CADPS: variants seen among roughly 807,000 people sequenced by gnomAD.
The protein encoded by CADPS is calcium-dependent secretion activator 1.
In CADPS, 57 loss-of-function variants were observed where a neutral mutation model predicts 167.3. The ratio of observed to expected loss-of-function variants is 0.34; its 90% CI spans 0.28 to 0.42. The LOEUF is 0.42. CADPS is among the 20% of genes least tolerant of loss of function. CADPS has a pLI of 1.00. For missense variants in CADPS, 1,414 were observed against 1,738.1 expected (o/e 0.81, Z 3.32); for synonymous variants, 676 against 635.3 (o/e 1.06, Z -0.96).
At chr3:62,794,038 A>G (rs1400763733) in intron 1 of CADPS, among the ~76,000 whole-genome samples, 1 of 152,174 alleles carries the variant, frequency 6.6e-6, no homozygotes, top group Non-Finnish European at 1.5e-5. Context: ...TATACACTCA[A>G]AATCTGCCAA....
chr3:62,846,876 C>T (rs1368625316), intron 1 of CADPS, among the ~76,000 whole-genome samples: 1 of 152,154 alleles, frequency 6.6e-6, no homozygotes, highest in Non-Finnish European at 1.5e-5. Flanking sequence ...CCATGTTGGT[C>T]AGGCTATTCT....
intron 6 of CADPS, among the ~76,000 whole-genome samples, chr3:62,631,005 T>G (rs2065165028): frequency 6.6e-6 from 1 of 151,092 alleles, no homozygotes; most frequent in Admixed American, 6.6e-5. Context: ...GGTCAAATAT[T>G]TTTTTTTTAG....
At chr3:62,411,232 G>A (rs2048898683) in intron 28 of CADPS, among the ~76,000 whole-genome samples, 1 of 152,152 alleles carries the variant, frequency 6.6e-6, no homozygotes, top group African/African-American at 2.4e-5. Context: ...ACTGAATGCT[G>A]GAGGATTTTT....
chr3:62,477,290 T>A (rs2061441366), intron 23 of CADPS, among the ~76,000 whole-genome samples: 1 of 149,318 alleles, frequency 6.7e-6, no homozygotes, highest in South Asian at 2.1e-4. Context: ...AGATTTGGAG[T>A]AGCCTGTGCT....
intron 1 of CADPS, among the ~76,000 whole-genome samples, chr3:62,770,027 G>A (rs2367220): frequency 0.17 from 26,202 of 152,202 alleles, 2,359 homozygotes; most frequent in South Asian, 0.23. Flanking sequence ...TCTGCATGAC[G>A]TACCCTGACT....
chr3:62,813,545 T>C (rs553055859), intron 1 of CADPS, among the ~76,000 whole-genome samples: 1 of 152,198 alleles, frequency 6.6e-6, no homozygotes, highest in South Asian at 2.1e-4. Context: ...ATTCTGAACA[T>C]CAGCCTTGGG....
chr3:62,405,454 A>AT (rs1267636946), intron 28 of CADPS, among the ~76,000 whole-genome samples: 2 of 139,910 alleles, frequency 1.4e-5, no homozygotes, highest in South Asian at 2.5e-4. Context: ...TCAGGAAAAA[A>AT]AAAAAAAAAA....
intron 1 of CADPS, among the ~76,000 whole-genome samples, chr3:62,784,382 T>C (rs1397323680): frequency 6.6e-6 from 1 of 152,172 alleles, no homozygotes; most frequent in Non-Finnish European, 1.5e-5. Context: ...ACTAAATAAA[T>C]AATTCATGAG....
intron 28 of CADPS, among the ~76,000 whole-genome samples, chr3:62,416,254 T>C (rs2050041972): frequency 6.6e-6 from 1 of 152,178 alleles, no homozygotes; most frequent in Admixed American, 6.5e-5. Flanking sequence ...AACATAGTAA[T>C]CCTACCTGCT....
intron 3 of CADPS, among the ~76,000 whole-genome samples, chr3:62,693,883 T>A (rs2079720247): frequency 6.6e-6 from 1 of 152,086 alleles, no homozygotes; most frequent in Non-Finnish European, 1.5e-5. Context: ...CATGATCCTA[T>A]CTGCTAAGTT....
intron 28 of CADPS, among the ~76,000 whole-genome samples, chr3:62,431,721 C>T (rs937058388): frequency 6.6e-6 from 1 of 151,772 alleles, no homozygotes; most frequent in African/African-American, 2.4e-5. Flanking sequence ...TTGCACAAAC[C>T]AGCTGTAAAG....
Position 62,399,637 on chromosome 3 carries a change from G to A in CADPS, c.3883-52C>T, listed in dbSNP as rs751351588. On this transcript the variant is annotated intron_variant, in intron 29 of 29. Transcript: ENST00000383710. The surrounding 1 kb of genome is among the most constrained non-coding windows in gnomAD (Gnocchi z 5.6). ...AGAGAGATCTCATCTCCATGATGGG[G>A]AGGGAGAAGGTAAAAGCAGGTGTGG... is the stretch of plus-strand genomic sequence containing the variant. The A allele has an allele frequency of 2.5e-5, 37 of 1,498,976 alleles. No homozygotes were observed. The highest frequency in any genetic ancestry group is 1.7e-4 in the Middle Eastern group (1 of 5,784). The allele number at this position is 1,498,976 out of a possible 1,614,324, so 92.9% of individuals were successfully genotyped here.
chr3:62,633,169 A>G (rs1323445191), intron 6 of CADPS, among the ~76,000 whole-genome samples: 2 of 152,186 alleles, frequency 1.3e-5, no homozygotes, highest in African/African-American at 4.8e-5. Flanking sequence ...AAAAGAGCGG[A>G]CAATGGGAAT....
chr3:62,466,750 A>G (rs1219771214), intron 24 of CADPS: 3 of 280,744 alleles, frequency 1.1e-5, no homozygotes, highest in Non-Finnish European at 2.1e-5. Context: ...GGATACTGTA[A>G]TAATTTAACA....
At chr3:62,858,183 G>C (rs537095696) in intron 1 of CADPS, among the ~76,000 whole-genome samples, 2 of 152,278 alleles carry the variant, frequency 1.3e-5, no homozygotes, top group South Asian at 4.1e-4. Flanking sequence ...GTGGGCTCCA[G>C]ATCTGGCTTA....
intron 22 of CADPS, among the ~76,000 whole-genome samples, chr3:62,481,038 A>G (rs1228155798): frequency 6.6e-6 from 1 of 152,220 alleles, no homozygotes; most frequent in Non-Finnish European, 1.5e-5. Context: ...TGATATGGCT[A>G]CCACAAATTT....
chr3:62,555,164 T>A (rs888884202), intron 10 of CADPS, among the ~76,000 whole-genome samples: 21 of 152,254 alleles, frequency 1.4e-4, no homozygotes, highest in African/African-American at 4.6e-4. Context: ...ACTTAGCACA[T>A]GGAAAGATAG....
chr3:62,640,229 C>G (rs1360334068), intron 6 of CADPS, among the ~76,000 whole-genome samples: 1 of 152,116 alleles, frequency 6.6e-6, no homozygotes, highest in Non-Finnish European at 1.5e-5. Context: ...TGATGTAAAC[C>G]ATTCCAAGGC....
chr3:62,839,498 G>A (rs2076348647), intron 1 of CADPS, among the ~76,000 whole-genome samples: 1 of 152,170 alleles, frequency 6.6e-6, no homozygotes, highest in Non-Finnish European at 1.5e-5. Flanking sequence ...GGGCCATAGT[G>A]GATCCCTGTC....
Sources: gnomAD v4.1 joint callset for allele counts (sites outside exome capture counted in the v4.1 genomes callset) on GRCh38, gnomAD v4.1.1 for gene constraint, Gnocchi (gnomAD v3.1) non-coding constraint, MANE v1.5 for transcripts, NCBI Gene and HGNC (gene_info 2026-07-23, HGNC 2026-07-21) for gene names.